Variants in PCDHA2 observed in about 807,000 individuals in gnomAD.
PCDHA2 encodes protocadherin alpha 2.
PCDHA2 carries 58 observed loss-of-function variants against 66.0 expected under a neutral mutation model. That is an observed-to-expected ratio of 0.88 (90% confidence interval 0.71 to 1.09). PCDHA2 has a LOEUF of 1.09. Among genes scored for constraint, PCDHA2 ranks in the 50% least tolerant of loss-of-function variants. The pLI is 0.00. For synonymous variants in PCDHA2, 634 were observed against 554.0 expected (o/e 1.14, Z -2.03); for missense variants, 1,267 against 1,242.3 (o/e 1.02, Z -0.30).
At chr5:140,922,715 G>A (rs1221596173) in intron 1 of PCDHA2, among the ~76,000 whole-genome samples, 1 of 152,038 alleles carries the variant, frequency 6.6e-6, no homozygotes, top group East Asian at 1.9e-4. Flanking sequence ...AGAACAAAAA[G>A]AAACACTTGA....
At chr5:140,882,755 G>T in intron 1 of PCDHA2, 1 of 1,614,230 alleles carries the variant, frequency 6.2e-7, no homozygotes, top group Non-Finnish European at 8.5e-7. Flanking sequence ...TGCAGATATT[G>T]GAGTAAACTC....
intron 1 of PCDHA2, among the ~76,000 whole-genome samples, chr5:140,894,640 C>T (rs1004479669): frequency 4.6e-5 from 7 of 151,788 alleles, no homozygotes; most frequent in Admixed American, 4.6e-4. Flanking sequence ...CATATCATTA[C>T]TGAGTCTCTC....
chr5:140,807,484 C>G lies in PCDHA2; in HGVS notation c.2388+10132C>G, dbSNP rs782221460. The G allele has an allele frequency of 6.8e-6, 11 of 1,613,252 alleles. No individual in the cohort carries two copies. Among genetic ancestry groups the G allele is most frequent in the South Asian group, 2.2e-5 (2 of 91,034 alleles). On this transcript the variant is annotated intron_variant, in intron 1 of 3. Coordinates refer to ENST00000526136, the MANE Select transcript of PCDHA2 (RefSeq NM_018905.3). The stretch of plus-strand genomic sequence containing the variant: ...ACCGGGAGGAGCTGTGCCGGCGGAG[C>G]GCGGAGTGCAGCATCCACCTGGAGG...
In PCDHA2 at chr5:140,796,118, T is replaced by C. The variant is rs935693327; in HGVS notation, c.1154T>C (p.Val385Ala). Residue 385 changes from valine to alanine, a missense_variant, in exon 1 of 4, where the codon GTC (valine) becomes GCC (alanine). Coordinates refer to ENST00000526136, the MANE Select transcript of PCDHA2 (RefSeq NM_018905.3). ...SDRDSGTNGH[V>A]TCSLTPHVPF... ...CGCGACTCTGGTACGAATGGACATG[T>C]CACCTGCTCCCTGACGCCCCACGTC... is the stretch of plus-strand genomic sequence containing the variant. 1.2e-6 allele frequency: 2 copies of C among 1,614,192 alleles called. No individual in the cohort carries two copies. Among genetic ancestry groups the C allele is most frequent in the Non-Finnish European group, 1.7e-6 (2 of 1,180,030 alleles).
At chr5:140,952,705 T>C (rs2094784320) in intron 1 of PCDHA2, among the ~76,000 whole-genome samples, 1 of 152,160 alleles carries the variant, frequency 6.6e-6, no homozygotes, top group Non-Finnish European at 1.5e-5. Context: ...TATCCCACTC[T>C]CAGTATCAAT....
intron 1 of PCDHA2, chr5:140,869,751 C>G: frequency 1.2e-6 from 2 of 1,613,134 alleles, no homozygotes. Flanking sequence ...CAGCTACAGA[C>G]GGGGGAAAAC....
intron 1 of PCDHA2, among the ~76,000 whole-genome samples, chr5:140,831,508 C>A (rs2150108067): frequency 6.9e-6 from 1 of 145,360 alleles, no homozygotes; most frequent in Admixed American, 7.1e-5. Context: ...CGAGCACCAC[C>A]ATGCCCCCCA....
At chr5:140,961,083 T>C (rs1470868954) in intron 1 of PCDHA2, among the ~76,000 whole-genome samples, 1 of 152,198 alleles carries the variant, frequency 6.6e-6, no homozygotes, top group Non-Finnish European at 1.5e-5. Context: ...ATCAAGTAAT[T>C]GTTGACTTTT....
At chr5:140,907,197 A>G (rs2073229380) in intron 1 of PCDHA2, among the ~76,000 whole-genome samples, 1 of 152,166 alleles carries the variant, frequency 6.6e-6, no homozygotes, top group Non-Finnish European at 1.5e-5. Context: ...AACCTTCTGG[A>G]GAATTTTGCC....
intron 1 of PCDHA2, among the ~76,000 whole-genome samples, chr5:140,818,835 TG>T (rs1766447116): frequency 6.6e-6 from 1 of 152,204 alleles, no homozygotes; most frequent in African/African-American, 2.4e-5. Context: ...GTCACCCAGT[TG>T]TATAGAATCA....
At chr5:140,823,702 C>A in intron 1 of PCDHA2, 1 of 1,613,952 alleles carries the variant, frequency 6.2e-7, no homozygotes, top group Non-Finnish European at 8.5e-7. Context: ...CGAAGCACCG[C>A]GCCACCGCCT....
At chr5:140,995,924 G>T (rs998405229) in intron 3 of PCDHA2, among the ~76,000 whole-genome samples, 2 of 152,308 alleles carry the variant, frequency 1.3e-5, no homozygotes, top group African/African-American at 4.8e-5. Flanking sequence ...ATAGGCTGTT[G>T]TAAGTATTAA....
intron 1 of PCDHA2, chr5:140,849,231 C>T (rs2040825064): frequency 9.5e-7 from 1 of 1,049,088 alleles, no homozygotes; most frequent in Admixed American, 2.7e-5. Context: ...CGACAGAACC[C>T]TGTATACGGT....
At chr5:140,869,066 T>G (rs782722664) in intron 1 of PCDHA2, 1 of 1,567,422 alleles carries the variant, frequency 6.4e-7, no homozygotes, top group Non-Finnish European at 8.6e-7. Context: ...GTACTGTAAG[T>G]GTAAAGAAGC....
intron 1 of PCDHA2, among the ~76,000 whole-genome samples, chr5:140,820,856 C>A (rs1379200448): frequency 6.6e-6 from 1 of 151,942 alleles, no homozygotes; most frequent in Non-Finnish European, 1.5e-5. Context: ...GAAATGCTAT[C>A]TAGATGCTTC....
intron 1 of PCDHA2, chr5:140,967,283 C>T: frequency 6.2e-7 from 1 of 1,613,158 alleles, no homozygotes; most frequent in Non-Finnish European, 8.5e-7. Context: ...AGAGAGTGCG[C>T]AGGACCCCGA....
intron 1 of PCDHA2, chr5:140,835,958 C>T (rs2150249126): frequency 1.9e-6 from 3 of 1,613,058 alleles, no homozygotes; most frequent in Middle Eastern, 1.8e-4. Context: ...CGTTGGACCA[C>T]GAGGAGCTGG....
chr5:140,849,081 T>G (rs2040772386), intron 1 of PCDHA2: 2 of 1,516,686 alleles, frequency 1.3e-6, no homozygotes. Context: ...TGGACTTGTA[T>G]TACGGAAACT....
chr5:140,868,653 G>T (rs897751330), intron 1 of PCDHA2: 1 of 162,858 alleles, frequency 6.1e-6, no homozygotes, highest in African/African-American at 2.4e-5. Flanking sequence ...CTGTGTATAA[G>T]TATTTTAGAT....
Sources: gnomAD v4.1 joint callset for allele counts (sites outside exome capture counted in the v4.1 genomes callset) on GRCh38, gnomAD v4.1.1 for gene constraint, MANE v1.5 for transcripts, NCBI Gene and HGNC (gene_info 2026-07-23, HGNC 2026-07-21) for gene names.